The following HDGFL3 variants were observed in gnomAD, a reference collection of about 807,000 sequenced individuals.
The protein encoded by HDGFL3 is HDGF like 3, also known as hepatoma-derived growth factor-related protein 3.
Under a neutral mutation model 27.6 loss-of-function variants are expected in HDGFL3, and 6 were observed. That is an observed-to-expected ratio of 0.22 (90% confidence interval 0.12 to 0.43). HDGFL3 has a LOEUF of 0.43. Among genes scored for constraint, HDGFL3 ranks in the 20% least tolerant of loss-of-function variants. HDGFL3 has a pLI of 1.00. For synonymous variants in HDGFL3, 88 were observed against 88.9 expected (o/e 0.99, Z 0.05); for missense variants, 207 against 250.1 (o/e 0.83, Z 1.16).
chr15:83,136,192 AG>A lies in HDGFL3; in HGVS notation c.*3077del. ...TAGATTGAGCCACTAATGTTCGGTAAGGGGCACTTGATGGTTAAAAAACACA... is the reference window on the plus strand; with the variant it reads ...TAGATTGAGCCACTAATGTTCGGTAAGGGCACTTGATGGTTAAAAAACACA... On this transcript the variant is annotated 3_prime_UTR_variant, in exon 6 of 6. Transcript: ENST00000299633. 1 of 260,820 alleles carries A rather than the reference AG, an allele frequency of 3.8e-6. No homozygotes were observed. Among genetic ancestry groups the A allele is most frequent in the Non-Finnish European group, 7.2e-6 (1 of 139,500 alleles). 16.2% of individuals were successfully genotyped at this position (260,820 alleles called of 1,614,324 possible).
chr15:83,150,470 T>C (rs1345616726), intron 5 of HDGFL3, among the ~76,000 whole-genome samples: 1 of 152,162 alleles, frequency 6.6e-6, no homozygotes, highest in East Asian at 1.9e-4. Flanking sequence ...GGAGTAATTA[T>C]AGATAACTGG....
At chr15:83,139,331 CAAT>C in intron 5 of HDGFL3, 56 bp from the exon 6 acceptor site, 1 of 1,135,230 alleles carries the variant, frequency 8.8e-7, no homozygotes, top group Non-Finnish European at 1.2e-6. Context: ...AGGATACTAA[CAAT>C]GAGAGCTATC....
In HDGFL3 at chr15:83,136,644, A is replaced by G. The variant is rs760764251; in HGVS notation, c.*2626T>C. Reference sequence around the variant, plus strand: ...ATCTACAAACCAGAGTTCTTCATAAAAACAAAGGCAGAAGAAAAAGTGGAA... The same window carrying G: ...ATCTACAAACCAGAGTTCTTCATAAGAACAAAGGCAGAAGAAAAAGTGGAA... On this transcript the variant is annotated 3_prime_UTR_variant, in exon 6 of 6. Transcript: ENST00000299633. The G allele has an allele frequency of 1.9e-6, 3 of 1,595,284 alleles. No individual in the cohort carries two copies. In the East Asian group the frequency reaches 6.7e-5, roughly 36 times the overall value.
chr15:83,127,412 T>C, downstream of HDGFL3: 1 of 1,614,060 alleles, frequency 6.2e-7, no homozygotes, highest in Non-Finnish European at 8.5e-7. Context: ...ACTGTATGGC[T>C]TAGTGGTTCC....
At chr15:83,201,467 G>A (rs1027789603) in intron 1 of HDGFL3, among the ~76,000 whole-genome samples, 4 of 152,108 alleles carry the variant, frequency 2.6e-5, no homozygotes, top group Non-Finnish European at 4.4e-5. Flanking sequence ...GATGGATTCT[G>A]ATCTAACATC....
At chr15:83,194,046 A>T (rs1327454424) in intron 1 of HDGFL3, among the ~76,000 whole-genome samples, 1 of 152,188 alleles carries the variant, frequency 6.6e-6, no homozygotes, top group Non-Finnish European at 1.5e-5. Context: ...CATCAATATG[A>T]ACAAGGAATT....
At chr15:83,167,006 C>G (rs1323346608) in intron 1 of HDGFL3, among the ~76,000 whole-genome samples, 1 of 152,156 alleles carries the variant, frequency 6.6e-6, no homozygotes, top group African/African-American at 2.4e-5. Flanking sequence ...ATGACAGAAT[C>G]AAAACCTTGC....
At chr15:83,197,876 A>T (rs556038287) in intron 1 of HDGFL3, among the ~76,000 whole-genome samples, 5 of 151,594 alleles carry the variant, frequency 3.3e-5, no homozygotes, top group African/African-American at 9.7e-5. Flanking sequence ...TCTACTAAAC[A>T]TCTAAAAAAT....
In HDGFL3 at chr15:83,199,448, T is replaced by C. The variant is rs113962511; in HGVS notation, c.84+7883A>G. Among the ~76,000 whole-genome samples the C allele has an allele frequency of 1.8e-3, 280 of 152,300 alleles. 2 individuals carry two copies. Among genetic ancestry groups the C allele is most frequent in the African/African-American group, 6.4e-3 (268 of 41,556 alleles). On this transcript the variant is annotated intron_variant, in intron 1 of 5. Coordinates refer to ENST00000299633, the MANE Select transcript of HDGFL3 (RefSeq NM_016073.4). ...TATGTGCTAACCACTACTGAAACTA[T>C]CACTTAAAACCACTCTCATCTCGTA...
At chr15:83,179,544 G>C (rs146376739) in intron 1 of HDGFL3, among the ~76,000 whole-genome samples, 1 of 152,266 alleles carries the variant, frequency 6.6e-6, no homozygotes, top group Non-Finnish European at 1.5e-5. Context: ...AGAGGGCTAG[G>C]CAAGGATACC....
At chr15:83,147,293 C>G (rs2036910102) in intron 5 of HDGFL3, among the ~76,000 whole-genome samples, 1 of 152,104 alleles carries the variant, frequency 6.6e-6, no homozygotes, top group African/African-American at 2.4e-5. Flanking sequence ...ATCTCTTGAT[C>G]TCGTGATCCA....
intron 1 of HDGFL3, among the ~76,000 whole-genome samples, chr15:83,194,792 A>T (rs1285308978): frequency 2.0e-5 from 3 of 152,164 alleles, no homozygotes; most frequent in Non-Finnish European, 4.4e-5. Flanking sequence ...TTGCTCTGTA[A>T]CTGAGCAAGT....
intron 1 of HDGFL3, among the ~76,000 whole-genome samples, chr15:83,188,709 T>C (rs2037475542): frequency 6.6e-6 from 1 of 152,194 alleles, no homozygotes; most frequent in Non-Finnish European, 1.5e-5. Flanking sequence ...TCTCCTTTCA[T>C]AGCCCCTCTT....
intron 1 of HDGFL3, among the ~76,000 whole-genome samples, chr15:83,177,370 A>T (rs1178789956): frequency 6.6e-6 from 1 of 152,246 alleles, no homozygotes; most frequent in Non-Finnish European, 1.5e-5. Context: ...TTTTTCAAAT[A>T]AGATTTGGGT....
intron 1 of HDGFL3, among the ~76,000 whole-genome samples, chr15:83,188,085 C>G (rs1239888627): frequency 2.0e-5 from 3 of 152,068 alleles, no homozygotes; most frequent in Non-Finnish European, 2.9e-5. Context: ...ATGAAAATGA[C>G]TTCCCTTCCA....
rs2036457405 is a variant in HDGFL3, at chr15:83,134,205, C to G, written c.*5065G>C. 6.6e-6 allele frequency: 1 copy of G among 151,906 alleles called. No individual in the cohort carries two copies. Among genetic ancestry groups the G allele is most frequent in the African/African-American group, 2.4e-5 (1 of 41,348 alleles). 9.4% of individuals were successfully genotyped at this position (151,906 alleles called of 1,614,324 possible). On this transcript the variant is annotated 3_prime_UTR_variant, in exon 6 of 6. Transcript: ENST00000299633. ...AGTACCTGCCCAGTGGGCTTACAAT[C>G]TAATCTAAGGACATGAATCTTTTTT...
At chr15:83,115,013 CCTGT>C (rs2034526371) in exon 4 of HDGFL3, 1 of 152,410 alleles carries the variant, frequency 6.6e-6, no homozygotes, top group Middle Eastern at 3.4e-3. Flanking sequence ...ACATCAGCCA[CCTGT>C]CTGTCTCTAG....
At chr15:83,119,731 G>A in intron 3 of HDGFL3, 1 of 1,611,538 alleles carries the variant, frequency 6.2e-7, no homozygotes, top group Non-Finnish European at 8.5e-7. Flanking sequence ...CAACCGATAA[G>A]CGGGTATGTA....
intron 1 of HDGFL3, among the ~76,000 whole-genome samples, chr15:83,203,609 TA>T (rs1250611195): frequency 6.6e-6 from 1 of 151,970 alleles, no homozygotes; most frequent in East Asian, 1.9e-4. Flanking sequence ...CTTCGGAAGT[TA>T]AGAACAATGA....
Sources: allele counts gnomAD v4.1 joint callset (sites outside exome capture counted in the v4.1 genomes callset), GRCh38; gene constraint gnomAD v4.1.1; transcripts MANE v1.5; gene names NCBI Gene and HGNC (gene_info 2026-07-23, HGNC 2026-07-21).